HEATR4: variants seen among roughly 807,000 people sequenced by gnomAD.
The protein encoded by HEATR4 is HEAT repeat-containing protein 4.
In HEATR4, 95 loss-of-function variants were observed where a neutral mutation model predicts 108.8. That is an observed-to-expected ratio of 0.87 (90% CI 0.74 to 1.04). The LOEUF (loss-of-function observed/expected upper bound fraction) is 1.04. Ranked by LOEUF, HEATR4 falls within the 50% of genes least tolerant of loss-of-function variation. The pLI is 0.00. For synonymous variants in HEATR4, 443 were observed against 459.4 expected (o/e 0.96, Z 0.46); for missense variants, 1,152 against 1,253.8 (o/e 0.92, Z 1.23).
chr14:73,591,330 T>G, the HEATR4 span, among the ~76,000 whole-genome samples: 1 of 152,040 alleles, frequency 6.6e-6, no homozygotes, highest in Non-Finnish European at 1.5e-5. Flanking sequence ...GGAAGATCAC[T>G]TGAAGTCAGG....
chr14:73,578,826 C>A, the HEATR4 span, among the ~76,000 whole-genome samples: 2 of 151,362 alleles, frequency 1.3e-5, 1 homozygote, highest in Non-Finnish European at 2.9e-5. Flanking sequence ...GTGGCTCATG[C>A]CTGTAATCCC....
At chr14:73,568,060 C>T in the HEATR4 span, 1 of 152,222 alleles carries the variant, frequency 6.6e-6, no homozygotes, top group Admixed American at 6.6e-5. Context: ...CAATTCCAGA[C>T]ACAGAATTAT....
chr14:73,592,082 G>A, the HEATR4 span: 1 of 1,487,798 alleles, frequency 6.7e-7, no homozygotes, highest in East Asian at 2.8e-5. Flanking sequence ...TGCGCGACGA[G>A]AAGGGCGCGC....
rs1566827468 is a variant in HEATR4, at chr14:73,502,886, G to A, written c.2105+9C>T. ...AGAAGAGTGTCTCCTCATGTTGACTGGGTCTTACCTGATTATGTCGTGCAC... is the reference window on the plus strand; with the variant it reads ...AGAAGAGTGTCTCCTCATGTTGACTAGGTCTTACCTGATTATGTCGTGCAC... On this transcript the variant is annotated intron_variant, in intron 11 of 17. Transcript: ENST00000553558. The A allele has an allele frequency of 6.3e-7, 1 of 1,596,792 alleles. No homozygotes were observed. The highest frequency in any genetic ancestry group is 1.1e-5 in the South Asian group (1 of 90,726).
chr14:73,579,299 G>A, the HEATR4 span, among the ~76,000 whole-genome samples: 1 of 145,180 alleles, frequency 6.9e-6, no homozygotes. Flanking sequence ...AAAAAACGCT[G>A]GGTGTGGTGG....
the HEATR4 span, chr14:73,593,745 A>AG: frequency 6.2e-7 from 1 of 1,613,662 alleles, no homozygotes; most frequent in Non-Finnish European, 8.5e-7. Context: ...TTGGTATTGG[A>AG]GGGGGCCTCT....
chr14:73,499,319 A>G (rs1422636232), intron 12 of HEATR4, among the ~76,000 whole-genome samples, 179 bp from the exon 13 acceptor site: 1 of 152,118 alleles, frequency 6.6e-6, no homozygotes, highest in Non-Finnish European at 1.5e-5. Flanking sequence ...TGTCTCTACT[A>G]AAAATACAAA....
chr14:73,631,546 G>A, the HEATR4 span: 11 of 157,552 alleles, frequency 7.0e-5, no homozygotes, highest in Non-Finnish European at 1.4e-5. Flanking sequence ...TGATGCCACT[G>A]GGTGCACAGA....
intron 11 of HEATR4, among the ~76,000 whole-genome samples, chr14:73,502,304 T>G (rs916009403): frequency 2.0e-5 from 3 of 152,118 alleles, no homozygotes; most frequent in African/African-American, 7.2e-5. Context: ...TTGTTCTAGT[T>G]TTTAATGATT....
chr14:73,492,419 G>A lies in HEATR4; in HGVS notation c.2844+647C>T, dbSNP rs1282175890. 1 of 1,613,772 alleles carries A rather than the reference G, an allele frequency of 6.2e-7. No individual in the cohort carries two copies. The highest frequency in any genetic ancestry group is 2.2e-5 in the East Asian group (1 of 44,872). ...GGATTACATGGGGGCCCAGCATTCAGATTCTAAGGATCCGCGAAGAACCGC... is the reference window on the plus strand; with the variant it reads ...GGATTACATGGGGGCCCAGCATTCAAATTCTAAGGATCCGCGAAGAACCGC... On this transcript the variant is annotated intron_variant, in intron 17 of 17. Coordinates refer to ENST00000553558, the MANE Select transcript of HEATR4 (RefSeq NM_001220484.1). The surrounding 1 kb of genome is among the most constrained non-coding windows in gnomAD (Gnocchi z 4.9).
rs1886877370 is a variant in HEATR4, at chr14:73,506,809, T to TTTTTTTTTTG, written c.1882-239_1882-238insCAAAAAAAAA. Among the ~76,000 whole-genome samples the TTTTTTTTTTG allele has an allele frequency of 3.6e-5, 4 of 112,530 alleles. 2 individuals are homozygous for TTTTTTTTTTG. The East Asian group carries it at 9.9e-4, about 28-fold the overall frequency. The allele number at this position is 112,530 out of a possible 152,430, so 73.8% of individuals were successfully genotyped here. A position where few individuals can be genotyped will look rare whatever the true frequency, so the allele number is the denominator to read the frequency against. ...TTCCTTTCCTGACTTTAACTGTTTT[T>TTTTTTTTTTG]TTTTTTTTTTTTTTTTCTGAGAAGG... On this transcript the variant is annotated intron_variant, in intron 9 of 17. Coordinates refer to ENST00000553558, the MANE Select transcript of HEATR4 (RefSeq NM_001220484.1).
rs1467962470 is a variant in HEATR4, at chr14:73,517,387, G to T, written c.1210+1636C>A. ...GCTCAATAAAGCTGTTATTGAAAAA[G>T]AATCCTCTGGCTGGGAGAGTGGCTC... On this transcript the variant is annotated intron_variant, in intron 5 of 17. Coordinates refer to ENST00000553558, the MANE Select transcript of HEATR4 (RefSeq NM_001220484.1). 5 of 152,210 alleles carry T rather than the reference G, an allele frequency of 3.3e-5. No individual in the cohort carries two copies. The East Asian group carries it at 9.7e-4, about 29-fold the overall frequency. The allele number at this position is 152,210 out of a possible 1,614,324, so 9.4% of individuals were successfully genotyped here.
chr14:73,569,118 T>C, the HEATR4 span: 1 of 1,196,778 alleles, frequency 8.4e-7, no homozygotes, highest in Non-Finnish European at 1.2e-6. Context: ...CAGGAGACTT[T>C]AAGCAAGTTC....
the HEATR4 span, chr14:73,581,074 G>A: frequency 6.6e-6 from 1 of 151,508 alleles, no homozygotes; most frequent in Non-Finnish European, 1.5e-5. Context: ...CACTGTGAAA[G>A]GATTCACAGG....
the HEATR4 span, among the ~76,000 whole-genome samples, chr14:73,579,842 C>T: frequency 1.3e-5 from 2 of 151,542 alleles, no homozygotes; most frequent in Non-Finnish European, 2.9e-5. Flanking sequence ...CCTGTAATTC[C>T]GTCACTTCGG....
chr14:73,485,647 T>G (rs1885423629), intron 17 of HEATR4, among the ~76,000 whole-genome samples: 1 of 152,132 alleles, frequency 6.6e-6, no homozygotes, highest in South Asian at 2.1e-4. Flanking sequence ...CCAAGGCAGT[T>G]GGATCACTTA....
rs2097972 is a variant in HEATR4, at chr14:73,529,612, A to C, written c.-73+554T>G. On this transcript the variant is annotated intron_variant, in intron 2 of 17. Transcript: ENST00000553558. The stretch of plus-strand genomic sequence containing the variant: ...TTATGAATACAGAACTCAACTCAAA[A>C]TGGGTAGTATCTCAGAGATTCCAAA... 1.6e-3 allele frequency among the ~76,000 whole-genome samples: 247 copies of C among 151,526 alleles called. 1 individual carries two copies. The highest frequency in any genetic ancestry group is 3.4e-3 in the Middle Eastern group (1 of 294).
the HEATR4 span, chr14:73,616,717 A>G: frequency 5.2e-5 from 14 of 269,940 alleles, no homozygotes; most frequent in African/African-American, 2.0e-4. Context: ...TTTAATTTCA[A>G]TACCTTTTGG....
At chr14:73,524,310 A>AAAAAAAAATATATATAT in intron 2 of HEATR4, among the ~76,000 whole-genome samples, 3 of 54,776 alleles carry the variant, frequency 5.5e-5, no homozygotes, top group South Asian at 7.9e-4. Flanking sequence ...AAAAAAAAAA[A>AAAAAAAAATATATATAT]ATATATATAT....
Sources: gnomAD v4.1 joint callset for allele counts (sites outside exome capture counted in the v4.1 genomes callset) on GRCh38, gnomAD v4.1.1 for gene constraint, Gnocchi (gnomAD v3.1) non-coding constraint, MANE v1.5 for transcripts, NCBI Gene and HGNC (gene_info 2026-07-23, HGNC 2026-07-21) for gene names.